Variants in RAD51C observed in about 807,000 individuals in gnomAD.
RAD51C encodes the protein DNA repair protein RAD51 homolog 3.
A neutral mutation model predicts 45.0 loss-of-function variants in RAD51C; 42 were observed. The observed-to-expected ratio is 0.93, with a 90% CI of 0.73 to 1.21. The LOEUF is 1.21. Among genes scored for constraint, RAD51C ranks in the 50% most tolerant of loss-of-function variants. The pLI, the probability that RAD51C is intolerant of heterozygous loss-of-function variation, is 0.00. For missense variants in RAD51C, 474 were observed against 452.2 expected, an observed-to-expected ratio of 1.05 and a Z score of -0.44; for synonymous variants, 172 against 159.8, an observed-to-expected ratio of 1.08 and a Z score of -0.58.
chr17:58,709,679 T>C (rs111929966), intron 4 of RAD51C, 180 bp from the exon 5 acceptor site: 2 of 554,468 alleles, frequency 3.6e-6, no homozygotes, highest in South Asian at 2.2e-5. Flanking sequence ...AAGTATTAAT[T>C]GACACCTCCT....
chr17:58,700,213 T>G (rs139134818), intron 3 of RAD51C: 162 of 152,288 alleles, frequency 1.1e-3, no homozygotes, highest in African/African-American at 3.8e-3. Context: ...TGTTGTTACA[T>G]GCACTATGCA....
chr17:58,717,603 G>A (rs947149986), intron 5 of RAD51C, among the ~76,000 whole-genome samples: 1 of 152,112 alleles, frequency 6.6e-6, no homozygotes, highest in African/African-American at 2.4e-5. Context: ...AGGCATGGTA[G>A]CTCACACCTG....
chr17:58,719,149 G>A (rs576627192), intron 5 of RAD51C, among the ~76,000 whole-genome samples: 7 of 151,328 alleles, frequency 4.6e-5, no homozygotes, highest in Non-Finnish European at 1.0e-4. Context: ...GCTTGAACCC[G>A]GGAGGCGGAG....
intron 4 of RAD51C, among the ~76,000 whole-genome samples, chr17:58,704,847 T>A (rs1011479476): frequency 1.1e-4 from 17 of 152,156 alleles, no homozygotes; most frequent in African/African-American, 4.1e-4. Flanking sequence ...TTTTGAATAT[T>A]TTTGCCAAGA....
chr17:58,716,395 A>C (rs2048738231), intron 5 of RAD51C, among the ~76,000 whole-genome samples: 1 of 152,180 alleles, frequency 6.6e-6, no homozygotes, highest in Admixed American at 6.6e-5. Flanking sequence ...CAGTAGCTGC[A>C]TGACTGTTCA....
intron 7 of RAD51C, among the ~76,000 whole-genome samples, chr17:58,731,470 G>T: frequency 6.6e-6 from 1 of 152,054 alleles, no homozygotes; most frequent in East Asian, 1.9e-4. Context: ...TGTTGGTCAG[G>T]CTGGTCTCGA....
intron 1 of RAD51C, chr17:58,694,189 T>C (rs2047907070): frequency 6.6e-6 from 1 of 152,068 alleles, no homozygotes; most frequent in South Asian, 2.1e-4. Context: ...GTTTTTATTA[T>C]AAATAATACA....
At chr17:58,718,250 G>A (rs760230738) in intron 5 of RAD51C, among the ~76,000 whole-genome samples, 19 of 151,990 alleles carry the variant, frequency 1.3e-4, no homozygotes, top group African/African-American at 4.3e-4. Context: ...TACCTGCCTC[G>A]GCCTCCCAAA....
intron 7 of RAD51C, among the ~76,000 whole-genome samples, chr17:58,724,513 A>T (rs141974701): frequency 0.011 from 1,605 of 151,588 alleles, 21 homozygotes; most frequent in Non-Finnish European, 0.012. Context: ...TTTGGAACAT[A>T]CGATGGTTTC....
intron 4 of RAD51C, 96 bp downstream of exon 4, chr17:58,703,425 G>A: frequency 7.3e-7 from 1 of 1,368,052 alleles, no homozygotes; most frequent in Admixed American, 2.0e-5. Flanking sequence ...TAAAATCAAA[G>A]TCAAAGCCAA....
intron 3 of RAD51C, among the ~76,000 whole-genome samples, chr17:58,697,544 AAAAAAAAAAAAAACC>A (rs2048060806): frequency 7.3e-6 from 1 of 137,180 alleles, no homozygotes; most frequent in African/African-American, 2.5e-5. Flanking sequence ...GTCTCTTAAA[AAAAAAAAAAAAAACC>A]AAAAAAAAAA....
At chr17:58,722,008 T>C (rs572721604) in intron 6 of RAD51C, among the ~76,000 whole-genome samples, 12 of 152,278 alleles carry the variant, frequency 7.9e-5, no homozygotes, top group African/African-American at 2.9e-4. Flanking sequence ...AGCTTCCTAA[T>C]GTTTGGATCC....
At chr17:58,714,649 G>A (rs951480314) in intron 5 of RAD51C, among the ~76,000 whole-genome samples, 1 of 151,786 alleles carries the variant, frequency 6.6e-6, no homozygotes, top group African/African-American at 2.4e-5. Flanking sequence ...TAGTAGAGAT[G>A]GGTTTCACTG....
chr17:58,713,016 C>G (rs1405563530), intron 5 of RAD51C, among the ~76,000 whole-genome samples: 1 of 151,914 alleles, frequency 6.6e-6, no homozygotes, highest in African/African-American at 2.4e-5. Flanking sequence ...GTTCTAGCTA[C>G]TTAAGCGGCT....
At position 58,694,773 on chromosome 17, in the gene RAD51C, C is replaced by T. The variant is rs2047932840; in HGVS notation, c.146-158C>T. On this transcript the variant is annotated intron_variant, in intron 1 of 8. Coordinates refer to ENST00000337432, the MANE Select transcript of RAD51C (RefSeq NM_058216.3). Reference sequence around the variant, plus strand: ...TTTAGGCATGAGCCACTGTGTCCGGCCAAACTGAAAAATTAAATGGTTGAT... The same window carrying T: ...TTTAGGCATGAGCCACTGTGTCCGGTCAAACTGAAAAATTAAATGGTTGAT... 26 of 824,346 alleles carry T rather than the reference C, an allele frequency of 3.2e-5. No individual in the cohort carries two copies. The South Asian group carries it at 3.6e-4, about 12-fold the overall frequency. 51.1% of individuals were successfully genotyped at this position (824,346 alleles called of 1,614,324 possible).
At position 58,732,398 on chromosome 17, in the gene RAD51C, A is replaced by G. The variant is rs747718937; in HGVS notation, c.966-86A>G. On this transcript the variant is annotated intron_variant, in intron 7 of 8. Coordinates refer to ENST00000337432, the MANE Select transcript of RAD51C (RefSeq NM_058216.3). ...AGAATTATTAATATAATAAACCTAT[A>G]CATTTAAATAATGAGTTTGGTCATC... 5 of 1,075,452 alleles carry G rather than the reference A, an allele frequency of 4.6e-6. No individual in the cohort carries two copies. In the Admixed American group the frequency reaches 7.2e-5, roughly 15 times the overall value. The allele number at this position is 1,075,452 out of a possible 1,614,324, so 66.6% of individuals were successfully genotyped here. A position where few individuals can be genotyped will look rare whatever the true frequency, so the allele number is the denominator to read the frequency against.
intron 2 of RAD51C, among the ~76,000 whole-genome samples, chr17:58,696,255 A>AC (rs2048002245): frequency 1.3e-5 from 2 of 151,686 alleles, no homozygotes; most frequent in Admixed American, 6.6e-5. Context: ...ACACGGTGAA[A>AC]CCCCGTTTCT....
chr17:58,721,404 C>T (rs1026350806), intron 6 of RAD51C, among the ~76,000 whole-genome samples: 1 of 152,132 alleles, frequency 6.6e-6, no homozygotes, highest in African/African-American at 2.4e-5. Flanking sequence ...CAGTGAATAT[C>T]GTGGTTTTGT....
intron 3 of RAD51C, among the ~76,000 whole-genome samples, chr17:58,701,293 G>T (rs1227630987): frequency 6.6e-6 from 1 of 151,936 alleles, no homozygotes; most frequent in African/African-American, 2.4e-5. Context: ...CAGATCACGA[G>T]GTCAGGAGAT....
Sources: allele counts gnomAD v4.1 joint callset (sites outside exome capture counted in the v4.1 genomes callset), GRCh38; gene constraint gnomAD v4.1.1; transcripts MANE v1.5; gene names NCBI Gene and HGNC (gene_info 2026-07-23, HGNC 2026-07-21).